The following ITGA8 variants were observed in gnomAD, a reference collection of about 807,000 sequenced individuals.
The protein encoded by ITGA8 is integrin alpha-8.
A neutral mutation model predicts 142.3 loss-of-function variants in ITGA8; 91 were observed. The observed-to-expected ratio is 0.64, with a 90% CI of 0.54 to 0.76. The LOEUF (loss-of-function observed/expected upper bound fraction) is 0.76, where lower values mean the gene tolerates loss of function less well. Ranked by LOEUF, ITGA8 falls within the 30% of genes least tolerant of loss-of-function variation. The pLI, the probability that ITGA8 is intolerant of heterozygous loss-of-function variation, is 0.00. For missense variants in ITGA8, 1,406 were observed against 1,327.7 expected (o/e 1.06, Z -0.92); for synonymous variants, 505 against 485.2 (o/e 1.04, Z -0.54).
chr10:15,566,863 A>G (rs1191921326), intron 25 of ITGA8, among the ~76,000 whole-genome samples: 2 of 96,050 alleles, frequency 2.1e-5, no homozygotes, highest in Admixed American at 1.4e-4. Context: ...CTGTAATCCC[A>G]GCACTCTGGG....
intron 27 of ITGA8, among the ~76,000 whole-genome samples, chr10:15,534,399 A>C (rs1254684245): frequency 6.6e-6 from 1 of 152,238 alleles, no homozygotes; most frequent in Admixed American, 6.5e-5. Context: ...TGATACAAAG[A>C]TGCAAGGCAT....
Position 15,516,579 on chromosome 10 carries a change from T to G in ITGA8, c.*579A>C, listed in dbSNP as rs1364092303. 1 of 152,202 alleles carries G rather than the reference T, an allele frequency of 6.6e-6. No individual in the cohort carries two copies. The highest frequency in any genetic ancestry group is 2.4e-5 in the African/African-American group (1 of 41,460). The allele number at this position is 152,202 out of a possible 1,614,324, so 9.4% of individuals were successfully genotyped here. On this transcript the variant is annotated 3_prime_UTR_variant, in exon 30 of 30. Transcript: ENST00000378076. The stretch of plus-strand genomic sequence containing the variant: ...ACATGGAAAATAAATAAATAAACTC[T>G]CACCCTCACTCACAAGATTATTTTT...
chr10:15,539,883 G>C (rs1287156227), intron 27 of ITGA8, among the ~76,000 whole-genome samples: 4 of 152,126 alleles, frequency 2.6e-5, no homozygotes, highest in African/African-American at 9.7e-5. Flanking sequence ...GGGCCGGGTG[G>C]AGATAATTGA....
chr10:15,717,800 T>G (rs1835480943), intron 2 of ITGA8, among the ~76,000 whole-genome samples: 2 of 152,222 alleles, frequency 1.3e-5, no homozygotes, highest in South Asian at 4.1e-4. Context: ...TAGTAACAAG[T>G]AAACATCATC....
intron 10 of ITGA8, 104 bp from the exon 11 acceptor site, chr10:15,655,510 G>C: frequency 1.2e-6 from 1 of 825,160 alleles, no homozygotes; most frequent in Non-Finnish European, 2.0e-6. Flanking sequence ...GTACATTTTT[G>C]CATTGAAATT....
chr10:15,558,217 T>C lies in ITGA8; in HGVS notation c.2638-15A>G. On this transcript the variant is annotated splice_polypyrimidine_tract_variant and intron_variant, in intron 25 of 29. Transcript: ENST00000378076. ...GAGGCAGCAGGCTGCAAAAAGAAAGTGGGAGATACCACATTAAAAACACAT... is the reference window on the plus strand; with the variant it reads ...GAGGCAGCAGGCTGCAAAAAGAAAGCGGGAGATACCACATTAAAAACACAT... 1.2e-6 allele frequency: 2 copies of C among 1,613,864 alleles called. No homozygotes were observed. Among genetic ancestry groups the C allele is most frequent in the Non-Finnish European group, 1.7e-6 (2 of 1,179,888 alleles).
chr10:15,673,895 C>T (rs1216283963), intron 6 of ITGA8, among the ~76,000 whole-genome samples: 1 of 152,186 alleles, frequency 6.6e-6, no homozygotes, highest in Non-Finnish European at 1.5e-5. Flanking sequence ...TAAAAGACAA[C>T]CAGCAATTTC....
intron 23 of ITGA8, among the ~76,000 whole-genome samples, chr10:15,578,800 A>G (rs908421904): frequency 2.6e-5 from 4 of 152,044 alleles, no homozygotes; most frequent in African/African-American, 4.8e-5. Flanking sequence ...ACCACTCTTC[A>G]TGGACTCAGT....
intron 3 of ITGA8, among the ~76,000 whole-genome samples, chr10:15,687,566 C>G (rs1447400340): frequency 6.6e-6 from 1 of 152,094 alleles, no homozygotes; most frequent in Non-Finnish European, 1.5e-5. Context: ...GAAACCACAG[C>G]AGATTAACTT....
At chr10:15,709,790 C>G (rs1219920786) in intron 2 of ITGA8, among the ~76,000 whole-genome samples, 1 of 152,218 alleles carries the variant, frequency 6.6e-6, no homozygotes, top group Non-Finnish European at 1.5e-5. Flanking sequence ...GTATTTCTAT[C>G]TTTAAAGTTA....
rs777183543 is a variant in ITGA8 at position 15,644,117 on chromosome 10, G to T, written c.1312C>A (p.Gln438Lys). ...GLNTKPSQVL[Q>K]GVWASHAVPS... ...ACAGCATGTGAGGCCCACACTCCTT[G>T]CAGAACTTGGGAAGGCTTGGTGTTT... The change falls in exon 13 of 30, where the codon CAA (glutamine) becomes AAA (lysine). Residue 438 changes from glutamine to lysine, a missense_variant. Physicochemically the swap from Gln to Lys is moderately conservative, Grantham distance 53. Transcript: ENST00000378076. 4 of 1,614,114 alleles carry T rather than the reference G, an allele frequency of 2.5e-6. No homozygotes were observed. In the East Asian group the frequency reaches 8.9e-5, roughly 36 times the overall value.
At chr10:15,531,216 C>A (rs555341763) in intron 27 of ITGA8, 65 bp from the exon 28 acceptor site, 26 of 795,108 alleles carry the variant, frequency 3.3e-5, no homozygotes, top group Non-Finnish European at 4.6e-5. Flanking sequence ...TACTGGCAGC[C>A]ACCTAATTAT....
At chr10:15,578,186 C>T (rs763342842) in intron 23 of ITGA8, among the ~76,000 whole-genome samples, 14 of 152,136 alleles carry the variant, frequency 9.2e-5, no homozygotes, top group Non-Finnish European at 1.8e-4. Flanking sequence ...CTGTCCCTAT[C>T]TCCTCCATAT....
At chr10:15,620,033 G>A (rs1003325876) in intron 13 of ITGA8, among the ~76,000 whole-genome samples, 1 of 152,258 alleles carries the variant, frequency 6.6e-6, no homozygotes, top group South Asian at 2.1e-4. Context: ...TCCAGGGCAG[G>A]AATCTTTACG....
chr10:15,646,999 T>C lies in ITGA8; in HGVS notation c.1054A>G (p.Ser352Gly), dbSNP rs1833993208. The C allele has an allele frequency of 6.2e-7, 1 of 1,613,764 alleles. No individual in the cohort carries two copies. Among genetic ancestry groups the C allele is most frequent in the Non-Finnish European group, 8.5e-7 (1 of 1,180,000 alleles). Residue 352 changes from serine to glycine, a missense_variant, in exon 12 of 30, where the codon AGC (serine) becomes GGC (glycine). Ser to Gly is a moderately conservative substitution (Grantham distance 56). Transcript: ENST00000378076. ...ATTTGCCCTACTTCTCTGGGGTTGC[T>C]CTCAAATTCACGTTCCATAAAGAGA... is the stretch of plus-strand genomic sequence containing the variant. ...APLFMEREFE[S>G]NPREVGQIYL...
intron 28 of ITGA8, among the ~76,000 whole-genome samples, chr10:15,525,079 G>A (rs1833144428): frequency 6.6e-6 from 1 of 152,092 alleles, no homozygotes. Flanking sequence ...CATGATCATA[G>A]CTCACTGCAG....
chr10:15,695,862 C>A (rs767808708), intron 2 of ITGA8, among the ~76,000 whole-genome samples: 1 of 152,150 alleles, frequency 6.6e-6, no homozygotes, highest in African/African-American at 2.4e-5. Flanking sequence ...CCCACATATC[C>A]TCCTGACAAT....
intron 29 of ITGA8, among the ~76,000 whole-genome samples, 180 bp from the exon 30 acceptor site, chr10:15,517,424 A>C (rs1230560947): frequency 6.6e-6 from 1 of 151,940 alleles, no homozygotes; most frequent in Non-Finnish European, 1.5e-5. Flanking sequence ...TCCCGGTTCA[A>C]GCGATTCTCC....
intron 20 of ITGA8, among the ~76,000 whole-genome samples, chr10:15,598,237 A>G (rs1421211211): frequency 6.6e-6 from 1 of 152,162 alleles, no homozygotes; most frequent in Non-Finnish European, 1.5e-5. Flanking sequence ...ATAAAACAGC[A>G]AATTTGGGGG....
Sources: gnomAD v4.1 joint callset for allele counts (sites outside exome capture counted in the v4.1 genomes callset) on GRCh38, gnomAD v4.1.1 for gene constraint, MANE v1.5 for transcripts, NCBI Gene and HGNC (gene_info 2026-07-23, HGNC 2026-07-21) for gene names.